CTNND2: variants seen among roughly 807,000 people sequenced by gnomAD.
The protein encoded by CTNND2 is catenin delta 2.
A neutral mutation model predicts 144.4 loss-of-function variants in CTNND2; 22 were observed. The observed-to-expected ratio is 0.15, with a 90% CI of 0.11 to 0.22. The LOEUF (loss-of-function observed/expected upper bound fraction) is 0.22, where lower values mean the gene tolerates loss of function less well. Among genes scored for constraint, CTNND2 ranks in the 10% least tolerant of loss-of-function variants. The pLI is 1.00. For synonymous variants in CTNND2, 751 were observed against 695.6 expected (o/e 1.08, Z -1.25); for missense variants, 1,353 against 1,618.8 (o/e 0.84, Z 2.82).
In CTNND2 at chr5:11,303,908, G is replaced by A. The variant is rs539182014; in HGVS notation, c.1628+42464C>T. Among the ~76,000 whole-genome samples the A allele has an allele frequency of 8.7e-4, 132 of 152,178 alleles. 1 individual carries two copies. Among genetic ancestry groups the A allele is most frequent in the African/African-American group, 2.9e-3 (120 of 41,528 alleles). ...TGGGAGATAACTGAATCATGGGGGC[G>A]GTTTCCCCCATACTGTTCTCATGAT... On this transcript the variant is annotated intron_variant, in intron 9 of 21. Coordinates refer to ENST00000304623, the MANE Select transcript of CTNND2 (RefSeq NM_001332.4).
intron 9 of CTNND2, among the ~76,000 whole-genome samples, chr5:11,250,477 C>G (rs1374340680): frequency 9.5e-5 from 6 of 63,120 alleles, no homozygotes; most frequent in African/African-American, 5.8e-4. Flanking sequence ...CTCTCTCTCT[C>G]TCTCTCTCTC....
At chr5:11,202,147 C>T (rs2149832415) in intron 10 of CTNND2, among the ~76,000 whole-genome samples, 1 of 141,300 alleles carries the variant, frequency 7.1e-6, no homozygotes, top group South Asian at 2.2e-4. Flanking sequence ...AAACAGATGG[C>T]ATCATCAATC....
intron 9 of CTNND2, among the ~76,000 whole-genome samples, chr5:11,285,310 C>G (rs1289164258): frequency 1.3e-5 from 2 of 152,058 alleles, no homozygotes; most frequent in Non-Finnish European, 2.9e-5. Flanking sequence ...AGAATGAAGC[C>G]CAGTTCTATA....
chr5:11,141,293 A>ATT (rs1195779996), intron 12 of CTNND2, among the ~76,000 whole-genome samples: 2 of 148,170 alleles, frequency 1.3e-5, no homozygotes, highest in African/African-American at 4.9e-5. Flanking sequence ...TAAGACCGTC[A>ATT]TTTTTTTTTT....
chr5:11,612,244 T>G (rs1780367986), intron 2 of CTNND2, among the ~76,000 whole-genome samples: 1 of 152,162 alleles, frequency 6.6e-6, no homozygotes, highest in Non-Finnish European at 1.5e-5. Flanking sequence ...AAAGGAACAT[T>G]TGAAGTGAAA....
chr5:11,176,077 T>C (rs1760452814), intron 11 of CTNND2, among the ~76,000 whole-genome samples: 1 of 152,216 alleles, frequency 6.6e-6, no homozygotes, highest in African/African-American at 2.4e-5. Flanking sequence ...AACACATAAG[T>C]TAAGCTACTA....
In CTNND2 at chr5:11,183,032, T is replaced by A. The variant is rs139851297; in HGVS notation, c.1975+16416A>T. 2.0e-3 allele frequency among the ~76,000 whole-genome samples: 300 copies of A among 152,280 alleles called. 1 individual carries two copies. The highest frequency in any genetic ancestry group is 6.9e-3 in the African/African-American group (285 of 41,556). On this transcript the variant is annotated intron_variant, in intron 11 of 21. Transcript: ENST00000304623. ...GACATAGTGTTTGCTTTTGGGAGAG[T>A]TGCCCTTCTGAGATCACCTGATCAT... is the stretch of plus-strand genomic sequence containing the variant.
chr5:11,662,125 A>G (rs1252869575), intron 2 of CTNND2, among the ~76,000 whole-genome samples: 1 of 142,576 alleles, frequency 7.0e-6, no homozygotes. Context: ...GTGTATATAT[A>G]TATACATATA....
At chr5:11,290,357 G>C (rs897690939) in intron 9 of CTNND2, among the ~76,000 whole-genome samples, 1 of 152,170 alleles carries the variant, frequency 6.6e-6, no homozygotes, top group Non-Finnish European at 1.5e-5. Context: ...CATAAGAAGA[G>C]CTAAACCTAG....
intron 12 of CTNND2, among the ~76,000 whole-genome samples, chr5:11,135,751 A>G (rs565686796): frequency 1.3e-5 from 2 of 152,328 alleles, no homozygotes; most frequent in East Asian, 3.9e-4. Context: ...GACACACCTC[A>G]AAGATAGTGT....
chr5:11,590,869 C>G (rs114728415), intron 2 of CTNND2, among the ~76,000 whole-genome samples: 1 of 152,370 alleles, frequency 6.6e-6, no homozygotes, highest in African/African-American at 2.4e-5. Flanking sequence ...CCCACTTTCA[C>G]CCAAGTGAAT....
At chr5:11,065,923 G>C (rs1489722001) in intron 16 of CTNND2, among the ~76,000 whole-genome samples, 1 of 152,166 alleles carries the variant, frequency 6.6e-6, no homozygotes, top group Non-Finnish European at 1.5e-5. Context: ...CCATCCTGAA[G>C]AGATTAACTG....
At chr5:11,740,363 C>T (rs1006553989) in intron 1 of CTNND2, among the ~76,000 whole-genome samples, 8 of 152,132 alleles carry the variant, frequency 5.3e-5, no homozygotes. Context: ...TGGAACAGAA[C>T]AGAGGCCTCA....
At chr5:11,718,750 T>C (rs1247762891) in intron 2 of CTNND2, among the ~76,000 whole-genome samples, 4 of 152,226 alleles carry the variant, frequency 2.6e-5, no homozygotes, top group Non-Finnish European at 5.9e-5. Context: ...AGCGGATTTA[T>C]AGACCATCTC....
At chr5:11,030,754 GTTTTTT>G (rs61312361) in intron 16 of CTNND2, among the ~76,000 whole-genome samples, 31,357 of 100,728 alleles carry the variant, frequency 0.31, 3,507 homozygotes, top group Middle Eastern at 0.4. Context: ...TATGGTTTCT[GTTTTTT>G]TTTTTTTTTT....
chr5:11,191,318 TAACAAA>T (rs1736219729), intron 11 of CTNND2, among the ~76,000 whole-genome samples: 1 of 152,150 alleles, frequency 6.6e-6, no homozygotes, highest in Non-Finnish European at 1.5e-5. Flanking sequence ...GAAAACCTGC[TAACAAA>T]CCACAGGACA....
chr5:11,281,266 A>G (rs1385546634), intron 9 of CTNND2, among the ~76,000 whole-genome samples: 2 of 152,214 alleles, frequency 1.3e-5, no homozygotes, highest in Non-Finnish European at 2.9e-5. Flanking sequence ...GCATGTTTAC[A>G]TTATTGACTA....
At chr5:11,678,727 A>G (rs1261462986) in intron 2 of CTNND2, among the ~76,000 whole-genome samples, 2 of 152,200 alleles carry the variant, frequency 1.3e-5, no homozygotes, top group African/African-American at 4.8e-5. Flanking sequence ...AAAGAGTAAC[A>G]AACCTTATTT....
intron 1 of CTNND2, among the ~76,000 whole-genome samples, chr5:11,807,844 T>C (rs1179045581): frequency 6.6e-6 from 1 of 152,196 alleles, no homozygotes; most frequent in African/African-American, 2.4e-5. Flanking sequence ...CAGCCATCTA[T>C]TAAAACTGCT....
Sources: allele counts gnomAD v4.1 joint callset (sites outside exome capture counted in the v4.1 genomes callset), GRCh38; gene constraint gnomAD v4.1.1; transcripts MANE v1.5; gene names NCBI Gene and HGNC (gene_info 2026-07-23, HGNC 2026-07-21).